NRXN3: variants seen among roughly 807,000 people sequenced by gnomAD.
NRXN3 encodes neurexin III.
In NRXN3, 32 loss-of-function variants were observed where a neutral mutation model predicts 137.6. That is an observed-to-expected ratio of 0.23 (90% CI 0.18 to 0.31). The LOEUF (loss-of-function observed/expected upper bound fraction) is 0.31. Ranked by LOEUF, NRXN3 falls within the 10% of genes least tolerant of loss-of-function variation. NRXN3 has a pLI of 1.00. For missense variants in NRXN3, 1,574 were observed against 2,062.5 expected (o/e 0.76, Z 4.59); for synonymous variants, 798 against 784.5 (o/e 1.02, Z -0.29).
In NRXN3 at chr14:79,819,613, T is replaced by C. The variant is rs533285162; in HGVS notation, c.4093+14423T>C. Among the ~76,000 whole-genome samples the C allele has an allele frequency of 2.1e-5, 3 of 145,900 alleles. No homozygotes were observed. In the East Asian group the frequency reaches 6.5e-4, roughly 31 times the overall value. ...AATTCTCCTGCCTCAACCGCCTGAG[T>C]AGCTGGGACTAAAGGCGTGAGCCAC... On this transcript the variant is annotated intron_variant, in intron 20 of 20. Transcript: ENST00000335750.
At chr14:79,064,551 G>GTTTC (rs2099678290) in intron 15 of NRXN3, among the ~76,000 whole-genome samples, 1 of 151,658 alleles carries the variant, frequency 6.6e-6, no homozygotes, top group African/African-American at 2.4e-5. Flanking sequence ...TTAGGGACTG[G>GTTTC]ACTCAGCATT....
chr14:79,856,389 G>T (rs1351052238), intron 20 of NRXN3, among the ~76,000 whole-genome samples: 3 of 152,090 alleles, frequency 2.0e-5, no homozygotes, highest in African/African-American at 4.8e-5. Flanking sequence ...GGGGGGAAAA[G>T]AATTATTTCC....
At chr14:78,751,688 T>C (rs925124373) in intron 8 of NRXN3, among the ~76,000 whole-genome samples, 22 of 152,072 alleles carry the variant, frequency 1.4e-4, no homozygotes, top group Admixed American at 1.3e-4. Context: ...CTAAAGAAAG[T>C]GTGCCTGCCC....
At chr14:78,808,063 A>G (rs2098888203) in intron 9 of NRXN3, among the ~76,000 whole-genome samples, 1 of 152,104 alleles carries the variant, frequency 6.6e-6, no homozygotes, top group Non-Finnish European at 1.5e-5. Flanking sequence ...TTATACATAT[A>G]TACATACACA....
chr14:79,338,158 T>C (rs996108327), intron 15 of NRXN3, among the ~76,000 whole-genome samples: 2 of 151,692 alleles, frequency 1.3e-5, no homozygotes, highest in Admixed American at 1.3e-4. Context: ...ATCAGTAGGG[T>C]GAATTTACCA....
chr14:78,285,591 T>C lies in NRXN3; in HGVS notation c.727+6929T>C, dbSNP rs1402677751. Among the ~76,000 whole-genome samples, 3 of 152,136 alleles carry C rather than the reference T, an allele frequency of 2.0e-5. No individual in the cohort carries two copies. The East Asian group carries it at 5.8e-4, about 29-fold the overall frequency. On this transcript the variant is annotated intron_variant, in intron 3 of 20. Coordinates refer to ENST00000335750, the MANE Select transcript of NRXN3 (RefSeq NM_001330195.2). ...CACTAGAGTGTACACTTCACAAAGG[T>C]ACACTGGTGTTTACAACTGTGCCCT...
At chr14:79,390,825 T>G (rs61993112) in intron 15 of NRXN3, among the ~76,000 whole-genome samples, 47,344 of 152,110 alleles carry the variant, frequency 0.31, 7,705 homozygotes, top group Admixed American at 0.39. Context: ...ACAGTGTTGG[T>G]GTATGGGGCC....
At position 78,238,724 on chromosome 14, in the gene NRXN3, G is replaced by A. The variant is rs561809526; in HGVS notation, c.-703-3667G>A. The stretch of plus-strand genomic sequence containing the variant: ...ACTTCTGAAACTGGATTCTGCCTGT[G>A]GGAAAGAAAGCTTGGGTTTCCTCAG... On this transcript the variant is annotated intron_variant, in intron 1 of 20. Coordinates refer to ENST00000335750, the MANE Select transcript of NRXN3 (RefSeq NM_001330195.2). Among the ~76,000 whole-genome samples the A allele has an allele frequency of 9.2e-5, 14 of 152,358 alleles. No homozygotes were observed. In the South Asian group the frequency reaches 2.9e-3, roughly 32 times the overall value.
intron 10 of NRXN3, among the ~76,000 whole-genome samples, chr14:78,813,403 A>T (rs1396727168): frequency 6.6e-6 from 1 of 152,088 alleles, no homozygotes; most frequent in African/African-American, 2.4e-5. Flanking sequence ...CAACTGTGAG[A>T]GTATTTGCAC....
intron 15 of NRXN3, among the ~76,000 whole-genome samples, chr14:79,188,976 T>A (rs974960033): frequency 4.6e-5 from 7 of 152,152 alleles, no homozygotes; most frequent in African/African-American, 1.7e-4. Flanking sequence ...GAAGTCAGTG[T>A]GGCGATTCTT....
intron 19 of NRXN3, among the ~76,000 whole-genome samples, chr14:79,773,904 G>T (rs1224050557): frequency 6.6e-6 from 1 of 150,816 alleles, no homozygotes; most frequent in Non-Finnish European, 1.5e-5. Flanking sequence ...CTCACCGGTA[G>T]GTTATAGACC....
intron 19 of NRXN3, among the ~76,000 whole-genome samples, chr14:79,701,852 T>C (rs988819090): frequency 6.6e-6 from 1 of 152,104 alleles, no homozygotes. Flanking sequence ...GGCTATGTTA[T>C]ATGATTGTCA....
Position 79,100,533 on chromosome 14 carries a change from A to G in NRXN3, c.3262+112392A>G, listed in dbSNP as rs2051085406. Among the ~76,000 whole-genome samples, 3 of 152,236 alleles carry G rather than the reference A, an allele frequency of 2.0e-5. 1 individual carries two copies. In the South Asian group the frequency reaches 6.2e-4, roughly 31 times the overall value. ...TTTACGTGTCTAGATATTAGATCCT[A>G]GAAATGAGTTGTTAATAAATATCAG... On this transcript the variant is annotated intron_variant, in intron 15 of 20. Transcript: ENST00000335750.
intron 3 of NRXN3, among the ~76,000 whole-genome samples, chr14:78,296,749 A>T (rs2076381269): frequency 6.6e-6 from 1 of 152,072 alleles, no homozygotes; most frequent in South Asian, 2.1e-4. Context: ...CAGTTGCTTG[A>T]CCTATATTTT....
chr14:78,882,054 C>T (rs1426343649), intron 10 of NRXN3, among the ~76,000 whole-genome samples: 1 of 151,734 alleles, frequency 6.6e-6, no homozygotes, highest in Non-Finnish European at 1.5e-5. Flanking sequence ...GTGTAAGCCC[C>T]CATTCTTGGC....
At chr14:78,577,338 T>C (rs2096946246) in intron 4 of NRXN3, among the ~76,000 whole-genome samples, 1 of 152,216 alleles carries the variant, frequency 6.6e-6, no homozygotes, top group African/African-American at 2.4e-5. Flanking sequence ...TTATACAATA[T>C]TATTCCAAAG....
At chr14:79,100,968 A>G (rs2051174901) in intron 15 of NRXN3, among the ~76,000 whole-genome samples, 1 of 152,196 alleles carries the variant, frequency 6.6e-6, no homozygotes, top group Non-Finnish European at 1.5e-5. Context: ...AAGCTCTACT[A>G]CTAAAATAGT....
intron 3 of NRXN3, among the ~76,000 whole-genome samples, chr14:78,292,669 A>C (rs1239935857): frequency 6.6e-6 from 1 of 152,234 alleles, no homozygotes; most frequent in Non-Finnish European, 1.5e-5. Context: ...TAATTTCCTT[A>C]GCTGAACTTT....
chr14:78,211,405 C>T (rs746222575), intron 1 of NRXN3, among the ~76,000 whole-genome samples: 6 of 152,348 alleles, frequency 3.9e-5, no homozygotes, highest in Middle Eastern at 3.4e-3. Flanking sequence ...GTTTCACCCT[C>T]CCCACCACTG....
Sources: gnomAD v4.1 joint callset for allele counts (sites outside exome capture counted in the v4.1 genomes callset) on GRCh38, gnomAD v4.1.1 for gene constraint, MANE v1.5 for transcripts, NCBI Gene and HGNC (gene_info 2026-07-23, HGNC 2026-07-21) for gene names.